The following CNTROB variants were observed in gnomAD, a reference collection of about 807,000 sequenced individuals.
CNTROB encodes the protein centrobin.
Under a neutral mutation model 115.7 loss-of-function variants are expected in CNTROB, and 82 were observed. The observed-to-expected ratio is 0.71, with a 90% confidence interval of 0.59 to 0.85. The LOEUF (loss-of-function observed/expected upper bound fraction) is 0.85, where lower values mean the gene tolerates loss of function less well. Among genes scored for constraint, CNTROB ranks in the 40% least tolerant of loss-of-function variants. The pLI is 0.00. For synonymous variants in CNTROB, 439 were observed against 456.4 expected (o/e 0.96, Z 0.49); for missense variants, 1,014 against 1,144.4 (o/e 0.89, Z 1.64).
rs764378498 is a variant in CNTROB at position 7,939,570 on chromosome 17, G to C, written c.985G>C (p.Val329Leu). ...GGAGGCAGAACAGCAGCGGTGCTGT[G>C]TCCTGCAGGAAGAGCGGGATGCAGC... ...RLEAEQQRCC[V>L]LQEERDAARA... Residue 329 changes from valine (V) to leucine (L), a missense_variant, in exon 8 of 19, where the codon GTC becomes CTC. Physicochemically the swap from Val to Leu is conservative, Grantham distance 32 (BLOSUM62 1). Transcript: ENST00000563694. This position sits in a 1 kb window ranked among gnomAD's most constrained non-coding sequence, Gnocchi z 4.4. 77 of 1,614,056 alleles carry C rather than the reference G, an allele frequency of 4.8e-5. No homozygotes were observed. Among genetic ancestry groups the C allele is most frequent in the Non-Finnish European group, 6.4e-5 (76 of 1,180,040 alleles).
Position 7,933,239 on chromosome 17 carries a change from G to T in CNTROB, c.160G>T (p.Ala54Ser), listed in dbSNP as rs776029280. 1.2e-6 allele frequency: 2 copies of T among 1,614,220 alleles called. No individual in the cohort carries two copies. Among genetic ancestry groups the T allele is most frequent in the South Asian group, 2.2e-5 (2 of 91,084 alleles). The change falls in exon 1 of 19, where the codon GCC becomes TCC. Residue 54 changes from alanine (A) to serine (S), a missense_variant. Physicochemically the swap from Ala to Ser is moderately conservative, Grantham distance 99 (BLOSUM62 1). Coordinates refer to ENST00000563694, the MANE Select transcript of CNTROB (RefSeq NM_053051.5). Reference sequence around the variant, plus strand: ...CCGGCAGGCGGAGGCCACGGCCCGAGCCCAGCTGTATTTACCCTCCACCTC... The same window carrying T: ...CCGGCAGGCGGAGGCCACGGCCCGATCCCAGCTGTATTTACCCTCCACCTC... Reference protein sequence around the residue: ...LSRQAEATARAQLYLPSTSPP... With the variant: ...LSRQAEATARSQLYLPSTSPP...
intron 9 of CNTROB, among the ~76,000 whole-genome samples, chr17:7,942,828 G>A (rs1331691896): frequency 2.8e-4 from 27 of 96,238 alleles, no homozygotes; most frequent in Admixed American, 7.5e-4. Flanking sequence ...TTGAGACGGA[G>A]TCTCGCTGTG....
chr17:7,936,368 T>G lies in CNTROB; in HGVS notation c.597T>G (p.His199Gln). ...AGACTCCTCACCCTTTTCCCCAGCA[T>G]TGTGAGCGCCATATTCAGAGCCTGC... ...ALDSEHTRRK[H>Q]CERHIQSLQT... is the part of the protein sequence containing the mutation. Residue 199 changes from histidine to glutamine, a missense_variant and splice_region_variant, in exon 5 of 19, where the codon CAT (histidine) becomes CAG (glutamine). Coordinates refer to ENST00000563694, the MANE Select transcript of CNTROB (RefSeq NM_053051.5). The G allele has an allele frequency of 7.4e-7, 1 of 1,343,684 alleles. No individual in the cohort carries two copies. The highest frequency in any genetic ancestry group is 1.1e-6 in the Non-Finnish European group (1 of 933,562). 83.2% of individuals were successfully genotyped at this position (1,343,684 alleles called of 1,614,324 possible).
chr17:7,942,787 ATTTTTTTTTTTTTTTT>A (rs71159534), intron 9 of CNTROB, among the ~76,000 whole-genome samples: 8 of 35,790 alleles, frequency 2.2e-4, no homozygotes, highest in Non-Finnish European at 3.0e-4. Context: ...TACTCAGGGT[ATTTTTTTTTTTTTTTT>A]TTTTTTTTTT....
intron 1 of CNTROB, among the ~76,000 whole-genome samples, chr17:7,933,923 G>A (rs1451695456): frequency 2.6e-5 from 4 of 152,146 alleles, no homozygotes; most frequent in East Asian, 1.9e-4. Flanking sequence ...AAGAATCTCC[G>A]CAACTCTTGT....
At position 7,948,879 on chromosome 17, in the gene CNTROB, A is replaced by G. The variant is rs888247329; in HGVS notation, c.2514-206A>G. The G allele has an allele frequency of 2.1e-6, 3 of 1,457,668 alleles. 1 individual carries two copies. In the East Asian group the frequency reaches 7.5e-5, roughly 36 times the overall value. 90.3% of individuals were successfully genotyped at this position (1,457,668 alleles called of 1,614,324 possible). ...TTCGTTTTTTTCCTCTTTACCCCTC[A>G]GCTCAAAACTCAGAATCCTAGACTT... On this transcript the variant is annotated intron_variant, in intron 17 of 18. Coordinates refer to ENST00000563694, the MANE Select transcript of CNTROB (RefSeq NM_053051.5). This position sits in a 1 kb window ranked among gnomAD's most constrained non-coding sequence, Gnocchi z 4.4.
rs1598098252 is a variant in CNTROB at position 7,943,660 on chromosome 17, A to G, written c.1445+136A>G. 1 of 925,810 alleles carries G rather than the reference A, an allele frequency of 1.1e-6. No individual in the cohort carries two copies. The highest frequency in any genetic ancestry group is 2.8e-5 in the East Asian group (1 of 35,828). 57.3% of individuals were successfully genotyped at this position (925,810 alleles called of 1,614,324 possible). ...GGTGCGCTAACTCCCATCAGCTGGG[A>G]CCTGAGTCTCTCTCGGGAGGGCTGC... On this transcript the variant is annotated intron_variant, in intron 10 of 18. Transcript: ENST00000563694. The surrounding 1 kb of genome is among the most constrained non-coding windows in gnomAD (Gnocchi z 4.7).
intron 2 of CNTROB, 66 bp downstream of exon 2, chr17:7,934,288 C>T: frequency 1.3e-6 from 2 of 1,491,472 alleles, no homozygotes; most frequent in Non-Finnish European, 1.9e-6. Context: ...AGAAAGTGGA[C>T]AGAGGAAGCA....
chr17:7,949,154 A>G lies in CNTROB; in HGVS notation c.2583A>G (p.Lys861=). Residue 861 remains lysine (K), a synonymous_variant, in exon 18 of 19, where the codon AAA becomes AAG. Coordinates refer to ENST00000563694, the MANE Select transcript of CNTROB (RefSeq NM_053051.5). Reference sequence around the variant, plus strand: ...CCCGCTTGGGTGAGATCCCCCGGAAAGAGGTGAGGGAAAGTCAGGCAGGGA... The same window carrying G: ...CCCGCTTGGGTGAGATCCCCCGGAAGGAGGTGAGGGAAAGTCAGGCAGGGA... ...TDSRLGEIPR[K]EIPSQAVPRR... is the part of the protein sequence containing the mutation. 6.2e-7 allele frequency: 1 copy of G among 1,614,088 alleles called. No homozygotes were observed. The highest frequency in any genetic ancestry group is 8.5e-7 in the Non-Finnish European group (1 of 1,179,950).
rs377378521 is a variant in CNTROB, at chr17:7,947,970, C to A, written c.2200C>A (p.Pro734Thr). The A allele has an allele frequency of 3.1e-6, 5 of 1,613,880 alleles. No homozygotes were observed. Among genetic ancestry groups the A allele is most frequent in the East Asian group, 2.2e-5 (1 of 44,872 alleles). ...NENPSVDLLP[P>T]KSGPLTVPSW... ...GAACCCTTCTGTCGACCTGTTGCCC[C>A]CTAAGTCTGGTGAGTTCCAACTCTG... Residue 734 changes from proline to threonine, a missense_variant, in exon 15 of 19, where the codon CCT (proline) becomes ACT (threonine). Physicochemically the swap from Pro to Thr is conservative, Grantham distance 38 (BLOSUM62 -1). Transcript: ENST00000563694.
At chr17:7,946,104 C>A (rs1216039864) in intron 13 of CNTROB, 118 bp downstream of exon 13, 3 of 900,526 alleles carry the variant, frequency 3.3e-6, no homozygotes, top group East Asian at 2.4e-5. Context: ...CTTTAGTGAT[C>A]GCAAGTTGCA....
At chr17:7,935,635 C>T (rs1003746110) in intron 4 of CNTROB, 1 of 165,154 alleles carries the variant, frequency 6.1e-6, no homozygotes, top group Admixed American at 5.6e-5. Context: ...GTAGTCAGAT[C>T]GCCTTCTTAT....
At chr17:7,937,391 C>A in intron 7 of CNTROB, 129 bp downstream of exon 7, 2 of 1,051,636 alleles carry the variant, frequency 1.9e-6, no homozygotes, top group Non-Finnish European at 2.8e-6. Flanking sequence ...AAAGTGTGTT[C>A]CTTAGAACAC....
chr17:7,937,552 C>A (rs1223323937), intron 7 of CNTROB, among the ~76,000 whole-genome samples: 1 of 152,082 alleles, frequency 6.6e-6, no homozygotes, highest in Admixed American at 6.6e-5. Context: ...CCCTGTAATC[C>A]CAGCACTTTG....
chr17:7,943,631 C>G lies in CNTROB; in HGVS notation c.1445+107C>G, dbSNP rs1298666327. The G allele has an allele frequency of 8.2e-7, 1 of 1,219,034 alleles. No individual in the cohort carries two copies. Among genetic ancestry groups the G allele is most frequent in the East Asian group, 2.6e-5 (1 of 38,780 alleles). The allele number at this position is 1,219,034 out of a possible 1,614,324, so 75.5% of individuals were successfully genotyped here. A position where few individuals can be genotyped will look rare whatever the true frequency, so the allele number is the denominator to read the frequency against. On this transcript the variant is annotated intron_variant, in intron 10 of 18. Transcript: ENST00000563694. This position sits in a 1 kb window ranked among gnomAD's most constrained non-coding sequence, Gnocchi z 4.7. The stretch of plus-strand genomic sequence containing the variant: ...TTGCCATGGTCCAGCACTGTGACTC[C>G]CAGGGTGCGCTAACTCCCATCAGCT...
rs61010744 is a variant in CNTROB, at chr17:7,948,475, G to A, written c.2381-12G>A. 37,632 of 1,614,030 alleles carry A rather than the reference G, an allele frequency of 0.023. 632 individuals are homozygous for A. Among genetic ancestry groups the A allele is most frequent in the South Asian group, 0.05 (4,553 of 91,068 alleles). On this transcript the variant is annotated splice_polypyrimidine_tract_variant and intron_variant, in intron 16 of 18. Coordinates refer to ENST00000563694, the MANE Select transcript of CNTROB (RefSeq NM_053051.5). This position sits in a 1 kb window ranked among gnomAD's most constrained non-coding sequence, Gnocchi z 4.4. ...CTAGGATGACGCCTGTGATTATTGCGATGTCTGTCAGGTGGAGATGGGCTT... is the reference window on the plus strand; with the variant it reads ...CTAGGATGACGCCTGTGATTATTGCAATGTCTGTCAGGTGGAGATGGGCTT...
chr17:7,937,251 A>G lies in CNTROB; in HGVS notation c.916A>G (p.Arg306Gly), dbSNP rs535845365. Residue 306 changes from arginine to glycine, a missense_variant, in exon 7 of 19, where the codon AGA becomes GGA. Arg to Gly is a moderately radical substitution (Grantham distance 125). Transcript: ENST00000563694. ...QESARLQQRE[R>G]ETLEEERQAL... The stretch of plus-strand genomic sequence containing the variant: ...AAGTGCCAGACTGCAGCAACGGGAA[A>G]GAGAGACACTGGTGAGAAGATTGGA... 2.5e-6 allele frequency: 4 copies of G among 1,614,090 alleles called. No individual in the cohort carries two copies. Among genetic ancestry groups the G allele is most frequent in the African/African-American group, 2.7e-5 (2 of 75,068 alleles).
At chr17:7,941,560 G>T (rs1453271481) in intron 9 of CNTROB, among the ~76,000 whole-genome samples, 1 of 141,672 alleles carries the variant, frequency 7.1e-6, no homozygotes, top group African/African-American at 2.6e-5. Flanking sequence ...GATTGAACCA[G>T]TGTACTCCAG....
Position 7,934,993 on chromosome 17 carries a change from C to T in CNTROB, c.442C>T (p.Arg148Trp), listed in dbSNP as rs1425888157. The T allele has an allele frequency of 1.8e-5, 29 of 1,591,164 alleles. No homozygotes were observed. The highest frequency in any genetic ancestry group is 2.2e-5 in the East Asian group (1 of 44,616). ...TTCTCTACCTGATTTGCTCAGCACC[C>T]GGCCCCTGCAAGACTTGTCTCCATC... is the stretch of plus-strand genomic sequence containing the variant. ...SDSTATLLNT[R>W]PLQDLSPSSS... Residue 148 changes from arginine to tryptophan, a missense_variant, in exon 4 of 19, where the codon CGG becomes TGG. Physicochemically the swap from Arg to Trp is moderately radical, Grantham distance 101 (BLOSUM62 -3). Coordinates refer to ENST00000563694, the MANE Select transcript of CNTROB (RefSeq NM_053051.5).
Sources: gnomAD v4.1 joint callset for allele counts (sites outside exome capture counted in the v4.1 genomes callset) on GRCh38, gnomAD v4.1.1 for gene constraint, Gnocchi (gnomAD v3.1) non-coding constraint, MANE v1.5 for transcripts, NCBI Gene and HGNC (gene_info 2026-07-23, HGNC 2026-07-21) for gene names.